Variants in TBCEL observed in about 807,000 individuals in gnomAD.
TBCEL encodes tubulin folding cofactor E like.
A neutral mutation model predicts 44.2 loss-of-function variants in TBCEL; 15 were observed. That is an observed-to-expected ratio of 0.34 (90% confidence interval 0.23 to 0.52). The LOEUF (loss-of-function observed/expected upper bound fraction) is 0.52. Among genes scored for constraint, TBCEL ranks in the 20% least tolerant of loss-of-function variants. The pLI, the probability that TBCEL is intolerant of heterozygous loss-of-function variation, is 0.95. For missense variants in TBCEL, 319 were observed against 506.3 expected (o/e 0.63, Z 3.55); for synonymous variants, 171 against 185.4 (o/e 0.92, Z 0.63).
At chr11:121,062,613 G>A (rs1201323663) in intron 8 of TBCEL, among the ~76,000 whole-genome samples, 1 of 152,110 alleles carries the variant, frequency 6.6e-6, no homozygotes, top group East Asian at 1.9e-4. Flanking sequence ...TTCTGTCCCT[G>A]ATGGTATAAT....
At chr11:121,027,189 T>C (rs1336585810) in intron 1 of TBCEL, among the ~76,000 whole-genome samples, 1 of 152,216 alleles carries the variant, frequency 6.6e-6, no homozygotes, top group Non-Finnish European at 1.5e-5. Flanking sequence ...TAAGAAGTAA[T>C]GTGAAACTGA....
In TBCEL at chr11:121,052,026, C is replaced by T. The variant is rs192234041; in HGVS notation, c.274-1525C>T. On this transcript the variant is annotated intron_variant, in intron 4 of 8. Transcript: ENST00000683345. Reference sequence around the variant, plus strand: ...AAAAGAAAGATATTCAGGTTGCAACCCTGAAGCTTGTCCCACCTATGAAGC... The same window carrying T: ...AAAAGAAAGATATTCAGGTTGCAACTCTGAAGCTTGTCCCACCTATGAAGC... Among the ~76,000 whole-genome samples the T allele has an allele frequency of 7.2e-5, 11 of 151,864 alleles. No homozygotes were observed. The Middle Eastern group carries it at 0.01, about 141-fold the overall frequency.
At chr11:121,041,464 T>G (rs1591385974) in intron 2 of TBCEL, among the ~76,000 whole-genome samples, 1 of 152,244 alleles carries the variant, frequency 6.6e-6, no homozygotes, top group East Asian at 1.9e-4. Context: ...ACTTCACAAC[T>G]TAGTAATGGA....
chr11:121,053,771 C>G, intron 5 of TBCEL, 39 bp downstream of exon 5: 1 of 1,599,070 alleles, frequency 6.3e-7, no homozygotes, highest in Non-Finnish European at 8.5e-7. Context: ...AGTTATGTTG[C>G]CATCTGTGTT....
chr11:121,062,740 GA>G (rs1039384616), intron 8 of TBCEL, among the ~76,000 whole-genome samples: 1 of 152,156 alleles, frequency 6.6e-6, no homozygotes, highest in African/African-American at 2.4e-5. Flanking sequence ...ACTGGGAAAT[GA>G]AAATAATTGT....
intron 2 of TBCEL, among the ~76,000 whole-genome samples, chr11:121,040,814 T>C: frequency 6.6e-6 from 1 of 152,142 alleles, no homozygotes; most frequent in Admixed American, 6.5e-5. Flanking sequence ...ACATGGTGAA[T>C]TCAAGTGTTC....
At chr11:121,027,902 C>T (rs145726123) in intron 1 of TBCEL, among the ~76,000 whole-genome samples, 12 of 152,136 alleles carry the variant, frequency 7.9e-5, no homozygotes, top group East Asian at 1.9e-4. Flanking sequence ...ATTGACTGAA[C>T]GTATGGTTAA....
chr11:121,036,983 A>G (rs1416461406), intron 2 of TBCEL, among the ~76,000 whole-genome samples: 1 of 152,184 alleles, frequency 6.6e-6, no homozygotes, highest in Non-Finnish European at 1.5e-5. Flanking sequence ...TTTAAGGAGA[A>G]GCATAGTACT....
chr11:121,079,736 G>A (rs1034680825), intron 8 of TBCEL, among the ~76,000 whole-genome samples: 1 of 152,186 alleles, frequency 6.6e-6, no homozygotes, highest in African/African-American at 2.4e-5. Context: ...TATAGCAAGA[G>A]ACATTAGAAA....
At chr11:121,078,270 G>T (rs953340894) in intron 8 of TBCEL, among the ~76,000 whole-genome samples, 1 of 152,066 alleles carries the variant, frequency 6.6e-6, no homozygotes, top group African/African-American at 2.4e-5. Flanking sequence ...TGTTCTACCA[G>T]TTTTTGCTTC....
intron 4 of TBCEL, among the ~76,000 whole-genome samples, chr11:121,048,269 T>G (rs1272012445): frequency 1.3e-5 from 2 of 151,892 alleles, no homozygotes; most frequent in Non-Finnish European, 2.9e-5. Flanking sequence ...TTATTGAAAT[T>G]TATTCAAATA....
rs553160481 is a variant in TBCEL, at chr11:121,035,458, C to A, written c.-125-1047C>A. ...TAGGAGGAGCTAGTGAAAAAAAAAA[C>A]AAAAACAAACGTGGATTTTTTTTTT... On this transcript the variant is annotated intron_variant, in intron 1 of 8. Transcript: ENST00000683345. The A allele has an allele frequency of 2.0e-3, 295 of 148,774 alleles. 2 individuals carry two copies. Among genetic ancestry groups the A allele is most frequent in the Admixed American group, 3.5e-3 (53 of 14,998 alleles). 9.2% of individuals were successfully genotyped at this position (148,774 alleles called of 1,614,324 possible).
intron 1 of TBCEL, among the ~76,000 whole-genome samples, chr11:121,025,298 A>G (rs144464449): frequency 2.2e-4 from 33 of 152,234 alleles, no homozygotes; most frequent in African/African-American, 4.8e-4. Flanking sequence ...CCAGTAGTCT[A>G]TCTTGAGCAA....
intron 8 of TBCEL, among the ~76,000 whole-genome samples, chr11:121,081,688 A>G (rs1006081809): frequency 1.3e-5 from 2 of 152,238 alleles, no homozygotes; most frequent in African/African-American, 4.8e-5. Context: ...TGCTTTCTCA[A>G]ATTTACTGGA....
intron 1 of TBCEL, among the ~76,000 whole-genome samples, chr11:121,028,321 C>T (rs993260753): frequency 2.0e-5 from 3 of 152,220 alleles, no homozygotes; most frequent in African/African-American, 7.2e-5. Context: ...ATCAAGCTGT[C>T]TGGATGATTC....
intron 8 of TBCEL, 109 bp from the exon 9 acceptor site, chr11:121,086,668 AT>A (rs1168298224): frequency 1.2e-6 from 1 of 832,754 alleles, no homozygotes; most frequent in Non-Finnish European, 1.9e-6. Context: ...ATAGAATAAG[AT>A]TTTTTAAAGA....
chr11:121,081,607 C>T, intron 8 of TBCEL, among the ~76,000 whole-genome samples: 1 of 152,152 alleles, frequency 6.6e-6, no homozygotes, highest in East Asian at 1.9e-4. Flanking sequence ...GCAATGCATG[C>T]AGTATAGTTC....
At chr11:121,068,673 C>T (rs1487846356) in intron 8 of TBCEL, among the ~76,000 whole-genome samples, 4 of 151,998 alleles carry the variant, frequency 2.6e-5, no homozygotes, top group East Asian at 3.9e-4. Flanking sequence ...CATCTGAGGT[C>T]GGGAGTTCAA....
intron 7 of TBCEL, among the ~76,000 whole-genome samples, chr11:121,058,719 G>C (rs1945666624): frequency 6.6e-6 from 1 of 151,970 alleles, no homozygotes; most frequent in East Asian, 1.9e-4. Flanking sequence ...CTGTTTTTAT[G>C]CTTTTCAATA....
Sources: allele counts gnomAD v4.1 joint callset (sites outside exome capture counted in the v4.1 genomes callset), GRCh38; gene constraint gnomAD v4.1.1; transcripts MANE v1.5; gene names NCBI Gene and HGNC (gene_info 2026-07-23, HGNC 2026-07-21).